Variants in CYB5R4 observed in about 807,000 individuals in gnomAD.
CYB5R4 encodes the protein N-terminal cytochrome b5 and cytochrome b5 oxidoreductase domain-containing protein.
Under a neutral mutation model 70.2 loss-of-function variants are expected in CYB5R4, and 55 were observed. The ratio of observed to expected loss-of-function variants is 0.78; its 90% CI spans 0.63 to 0.98. The LOEUF (loss-of-function observed/expected upper bound fraction) is 0.98, where lower values mean the gene tolerates loss of function less well. Ranked by LOEUF, CYB5R4 falls within the 50% of genes least tolerant of loss-of-function variation. The probability of loss-of-function intolerance (pLI) is 0.00; values close to 1 mark genes in which losing one functional copy is unlikely to be tolerated. For missense variants in CYB5R4, 562 were observed against 612.6 expected (o/e 0.92, Z 0.87); for synonymous variants, 197 against 199.5 (o/e 0.99, Z 0.11).
chr6:83,884,687 A>G (rs2099459980), intron 2 of CYB5R4, among the ~76,000 whole-genome samples: 1 of 152,204 alleles, frequency 6.6e-6, no homozygotes, highest in Non-Finnish European at 1.5e-5. Flanking sequence ...CGACCTGTGC[A>G]TTTCAATACA....
intron 5 of CYB5R4, 78 bp downstream of exon 5, chr6:83,914,526 C>A (rs2129138797): frequency 7.7e-7 from 1 of 1,298,230 alleles, no homozygotes; most frequent in Non-Finnish European, 1.0e-6. Flanking sequence ...TTGTCTGGGG[C>A]ATTTAAATTT....
chr6:83,885,949 C>T (rs1443745313), intron 2 of CYB5R4, among the ~76,000 whole-genome samples: 2 of 152,098 alleles, frequency 1.3e-5, no homozygotes, highest in African/African-American at 2.4e-5. Context: ...ATGTTAATAG[C>T]AACATTCTTC....
At chr6:83,947,904 A>G (rs2099470889) in intron 14 of CYB5R4, among the ~76,000 whole-genome samples, 1 of 152,170 alleles carries the variant, frequency 6.6e-6, no homozygotes. Flanking sequence ...AAATAGGAAC[A>G]CTTTTACACT....
In CYB5R4 at chr6:83,962,409, A is replaced by G. The variant is rs944109405; in HGVS notation, c.*2531A>G. Reference sequence around the variant, plus strand: ...GTTTATCACTGTTATTCTCAAGCAAATAACTCAAAGACTCCTACATCACAT... The same window carrying G: ...GTTTATCACTGTTATTCTCAAGCAAGTAACTCAAAGACTCCTACATCACAT... On this transcript the variant is annotated 3_prime_UTR_variant, in exon 16 of 16. Coordinates refer to ENST00000369681, the MANE Select transcript of CYB5R4 (RefSeq NM_016230.4). 2 of 152,230 alleles carry G rather than the reference A, an allele frequency of 1.3e-5. No individual in the cohort carries two copies. The highest frequency in any genetic ancestry group is 2.9e-5 in the Non-Finnish European group (2 of 68,040). The allele number at this position is 152,230 out of a possible 1,614,324, so 9.4% of individuals were successfully genotyped here.
At chr6:83,910,469 G>T (rs2099464504) in intron 4 of CYB5R4, among the ~76,000 whole-genome samples, 1 of 152,170 alleles carries the variant, frequency 6.6e-6, no homozygotes, top group Non-Finnish European at 1.5e-5. Flanking sequence ...CGTTGTCTGG[G>T]TAATTCTTGC....
intron 3 of CYB5R4, among the ~76,000 whole-genome samples, chr6:83,900,894 A>G (rs1267411066): frequency 6.6e-6 from 1 of 152,198 alleles, no homozygotes; most frequent in Non-Finnish European, 1.5e-5. Flanking sequence ...TGAATACAGC[A>G]TACTGATGGG....
In CYB5R4 at chr6:83,921,103, A is replaced by T; in HGVS notation, c.586A>T (p.Ile196Leu). Reference protein sequence around the residue: ...KQKDINLDSIIVDHQNDSFRA... With the variant: ...KQKDINLDSILVDHQNDSFRA... ...TAAGGATATCAATTTAGACTCAATA[A>T]TAGTTGATCATCAGAATGATTCCTT... Residue 196 changes from isoleucine to leucine, a missense_variant, in exon 8 of 16, where the codon ATA becomes TTA. Physicochemically the swap from Ile to Leu is conservative, Grantham distance 5. Transcript: ENST00000369681. The T allele has an allele frequency of 6.6e-7, 1 of 1,523,638 alleles. No individual in the cohort carries two copies. The highest frequency in any genetic ancestry group is 8.9e-7 in the Non-Finnish European group (1 of 1,121,356). 94.4% of individuals were successfully genotyped at this position (1,523,638 alleles called of 1,614,324 possible).
rs2099462373 is a variant in CYB5R4, at chr6:83,898,840, C to T, written c.330+5218C>T. ...GTATCCTGAGACTTTGCTGAAGTTGCTTATCAGCTTAAGGAGATTTTGGGC... is the reference window on the plus strand; with the variant it reads ...GTATCCTGAGACTTTGCTGAAGTTGTTTATCAGCTTAAGGAGATTTTGGGC... On this transcript the variant is annotated intron_variant, in intron 3 of 15. Coordinates refer to ENST00000369681, the MANE Select transcript of CYB5R4 (RefSeq NM_016230.4). Among the ~76,000 whole-genome samples the T allele has an allele frequency of 2.6e-5, 4 of 152,258 alleles. No homozygotes were observed. The South Asian group carries it at 8.3e-4, about 32-fold the overall frequency.
intron 2 of CYB5R4, among the ~76,000 whole-genome samples, chr6:83,887,775 G>A (rs1371045671): frequency 6.6e-6 from 1 of 150,858 alleles, no homozygotes; most frequent in Non-Finnish European, 1.5e-5. Flanking sequence ...CAGCATAAAG[G>A]AGGGGATGGG....
At chr6:83,868,104 A>T (rs2099457025) in intron 2 of CYB5R4, among the ~76,000 whole-genome samples, 1 of 152,174 alleles carries the variant, frequency 6.6e-6, no homozygotes, top group South Asian at 2.1e-4. Context: ...CTTGAAGGTT[A>T]GAGATAGTGT....
Position 83,934,719 on chromosome 6 carries a change from C to A in CYB5R4, c.939C>A (p.Leu313=), listed in dbSNP as rs746737525. The A allele has an allele frequency of 6.2e-7, 1 of 1,613,010 alleles. No individual in the cohort carries two copies. The highest frequency in any genetic ancestry group is 8.5e-7 in the Non-Finnish European group (1 of 1,179,522). The change falls in exon 11 of 16, where the codon CTC becomes CTA. Residue 313 remains leucine (L), a synonymous_variant. Coordinates refer to ENST00000369681, the MANE Select transcript of CYB5R4 (RefSeq NM_016230.4). ...LQVPIGQHVY[L]KLPITGTEIV... is the part of the protein sequence containing the mutation. ...TGCCCATTGGGCAACATGTTTACCTCAAGCTACCTATTACAGGTAAGGTGA... is the reference window on the plus strand; with the variant it reads ...TGCCCATTGGGCAACATGTTTACCTAAAGCTACCTATTACAGGTAAGGTGA...
chr6:83,948,674 C>T (rs9353159), intron 14 of CYB5R4, among the ~76,000 whole-genome samples: 23,763 of 152,032 alleles, frequency 0.16, 3,407 homozygotes, highest in African/African-American at 0.37. Context: ...CTTTTGACTT[C>T]AACTTGATTT....
chr6:83,886,264 T>C lies in CYB5R4; in HGVS notation c.230-7258T>C, dbSNP rs2099460235. On this transcript the variant is annotated intron_variant, in intron 2 of 15. Transcript: ENST00000369681. ...CCACTAATCCATTAATTCATGAATC[T>C]GCCCTGATGACCCAATCGCTTAAAG... is the stretch of plus-strand genomic sequence containing the variant. Among the ~76,000 whole-genome samples the C allele has an allele frequency of 2.0e-5, 3 of 152,184 alleles. No individual in the cohort carries two copies. In the South Asian group the frequency reaches 6.2e-4, roughly 32 times the overall value.
At chr6:83,900,105 G>C (rs2099462650) in intron 3 of CYB5R4, among the ~76,000 whole-genome samples, 1 of 152,140 alleles carries the variant, frequency 6.6e-6, no homozygotes, top group Non-Finnish European at 1.5e-5. Context: ...TGGGCATTTA[G>C]TGCTTTAAGT....
At chr6:83,954,623 C>T (rs1055183829) in intron 14 of CYB5R4, among the ~76,000 whole-genome samples, 16 of 152,124 alleles carry the variant, frequency 1.1e-4, no homozygotes, top group South Asian at 2.1e-4. Context: ...TAGCTCCACT[C>T]ATAAGTGAGA....
At position 83,918,001 on chromosome 6, in the gene CYB5R4, A is replaced by G. The variant is rs1259894879; in HGVS notation, c.446-4A>G. 1.9e-6 allele frequency: 3 copies of G among 1,609,156 alleles called. No homozygotes were observed. The highest frequency in any genetic ancestry group is 1.1e-5 in the South Asian group (1 of 90,658). The stretch of plus-strand genomic sequence containing the variant: ...ATGAACTATAGCTATCTTTCTTTGT[A>G]AAGGCATGCTTCCCAAGAGCCAAGT... On this transcript the variant is annotated splice_region_variant and splice_polypyrimidine_tract_variant and intron_variant, in intron 5 of 15. Coordinates refer to ENST00000369681, the MANE Select transcript of CYB5R4 (RefSeq NM_016230.4).
chr6:83,878,674 C>T (rs183003116), intron 2 of CYB5R4, among the ~76,000 whole-genome samples: 2 of 152,232 alleles, frequency 1.3e-5, no homozygotes, highest in African/African-American at 4.8e-5. Context: ...ATGAATGTCA[C>T]ACATTACATA....
intron 3 of CYB5R4, among the ~76,000 whole-genome samples, chr6:83,899,706 G>A (rs1277959784): frequency 6.6e-6 from 1 of 152,156 alleles, no homozygotes; most frequent in African/African-American, 2.4e-5. Context: ...GGGTGTATGT[G>A]TCGAGGAATT....
chr6:83,879,216 C>G (rs929438658), intron 2 of CYB5R4, among the ~76,000 whole-genome samples: 1 of 151,948 alleles, frequency 6.6e-6, no homozygotes, highest in African/African-American at 2.4e-5. Context: ...TGAGCCTCTT[C>G]CCTTTGTGGC....
Sources: gnomAD v4.1 joint callset for allele counts (sites outside exome capture counted in the v4.1 genomes callset) on GRCh38, gnomAD v4.1.1 for gene constraint, MANE v1.5 for transcripts, NCBI Gene and HGNC (gene_info 2026-07-23, HGNC 2026-07-21) for gene names.